Variants in MYO18A observed in about 807,000 individuals in gnomAD.
MYO18A encodes the protein myosin XVIIIA.
MYO18A carries 78 observed loss-of-function variants against 235.8 expected under a neutral mutation model. That is an observed-to-expected ratio of 0.33 (90% CI 0.28 to 0.40). The LOEUF (loss-of-function observed/expected upper bound fraction) is 0.40, where lower values mean the gene tolerates loss of function less well. Ranked by LOEUF, MYO18A falls within the 10% of genes least tolerant of loss-of-function variation. The pLI is 1.00. For synonymous variants in MYO18A, 977 were observed against 1,077.8 expected (o/e 0.91, Z 1.83); for missense variants, 2,215 against 2,699.3 (o/e 0.82, Z 3.98).
intron 37 of MYO18A, among the ~76,000 whole-genome samples, chr17:29,088,990 G>C (rs2152747217): frequency 6.7e-6 from 1 of 149,596 alleles, no homozygotes; most frequent in Non-Finnish European, 1.5e-5. Context: ...AGGCTACAGT[G>C]AGCCATGATT....
chr17:29,090,625 G>A lies in MYO18A; in HGVS notation c.5305-10C>T. The A allele has an allele frequency of 6.3e-7, 1 of 1,595,872 alleles. No homozygotes were observed. Among genetic ancestry groups the A allele is most frequent in the Non-Finnish European group, 8.5e-7 (1 of 1,170,582 alleles). The stretch of plus-strand genomic sequence containing the variant: ...CCAGGTCCCGGGAAGCCTGGGAAAG[G>A]AATGAGAGCATCAGAAGCAGGATCC... On this transcript the variant is annotated splice_polypyrimidine_tract_variant and intron_variant, in intron 35 of 41. Coordinates refer to ENST00000527372, the MANE Select transcript of MYO18A (RefSeq NM_078471.4).
At position 29,074,009 on chromosome 17, in the gene MYO18A, G is replaced by A; in HGVS notation, c.*761C>T. The stretch of plus-strand genomic sequence containing the variant: ...CATAACACGCTGAGACAAAGAGGGT[G>A]GGGTGGGGGCTGGAGGTGCGGATGG... On this transcript the variant is annotated 3_prime_UTR_variant, in exon 42 of 42. Transcript: ENST00000527372. This position sits in a 1 kb window ranked among gnomAD's most constrained non-coding sequence, Gnocchi z 4.4. The A allele has an allele frequency of 3.1e-6, 5 of 1,613,648 alleles. No homozygotes were observed. The highest frequency in any genetic ancestry group is 4.2e-6 in the Non-Finnish European group (5 of 1,179,890).
intron 1 of MYO18A, chr17:29,176,427 TC>T (rs2068529191): frequency 6.6e-6 from 1 of 150,732 alleles, no homozygotes; most frequent in African/African-American, 2.4e-5. Flanking sequence ...AACGTTAGAG[TC>T]CCAAGACAAG....
Position 29,120,684 on chromosome 17 carries a change from T to A in MYO18A, c.1660A>T (p.Thr554Ser), listed in dbSNP as rs1161483285. The A allele has an allele frequency of 6.2e-7, 1 of 1,613,916 alleles. No individual in the cohort carries two copies. The highest frequency in any genetic ancestry group is 8.5e-7 in the Non-Finnish European group (1 of 1,179,858). Residue 554 changes from threonine (T) to serine (S), a missense_variant, in exon 7 of 42, where the codon ACC (threonine) becomes TCC (serine). Transcript: ENST00000527372. This position sits in a 1 kb window ranked among gnomAD's most constrained non-coding sequence, Gnocchi z 4.2. ...NSPTIINGNA[T>S]RFSQILSLDF... ...AGGGAGAGGATCTGGGAGAAGCGGG[T>A]GGCATTGCCATTAATGATGGTGGGG...
Position 29,121,031 on chromosome 17 carries a change from T to C in MYO18A, c.1552A>G (p.Ile518Val). The C allele has an allele frequency of 6.2e-7, 1 of 1,612,872 alleles. No individual in the cohort carries two copies. The highest frequency in any genetic ancestry group is 1.1e-5 in the South Asian group (1 of 90,732). Residue 518 changes from isoleucine to valine, a missense_variant, in exon 6 of 42, where the codon ATC (isoleucine) becomes GTC (valine). Coordinates refer to ENST00000527372, the MANE Select transcript of MYO18A (RefSeq NM_078471.4). The surrounding 1 kb of genome is among the most constrained non-coding windows in gnomAD (Gnocchi z 4.2). ...CQHLVQYLAT[I>V]AGISGNKVFS... The stretch of plus-strand genomic sequence containing the variant: ...ACCTTGTTCCCGCTGATGCCCGCGA[T>C]GGTGGCCAGGTACTGCACCAGATGC...
At position 29,173,778 on chromosome 17, in the gene MYO18A, A is replaced by T. The variant is rs936597854; in HGVS notation, c.-82+6535T>A. Among the ~76,000 whole-genome samples the T allele has an allele frequency of 5.9e-5, 9 of 151,844 alleles. No individual in the cohort carries two copies. In the East Asian group the frequency reaches 7.7e-4, roughly 13 times the overall value. Reference sequence around the variant, plus strand: ...AGTCAGTGGTATCTGTGAAAAAAAAAAATTTTTTTAAGAGACAAGGTCTTG... The same window carrying T: ...AGTCAGTGGTATCTGTGAAAAAAAATAATTTTTTTAAGAGACAAGGTCTTG... On this transcript the variant is annotated intron_variant, in intron 1 of 41. Transcript: ENST00000527372.
chr17:29,133,847 G>A, intron 2 of MYO18A: 1 of 1,289,342 alleles, frequency 7.8e-7, no homozygotes, highest in South Asian at 1.2e-5. Context: ...GGCGCTGAAG[G>A]TAACCTGTGC....
chr17:29,115,054 G>A lies in MYO18A; in HGVS notation c.2364C>T (p.Val788=), dbSNP rs150785866. The A allele has an allele frequency of 1.4e-4, 232 of 1,613,786 alleles. 1 individual carries two copies. In the African/African-American group the frequency reaches 2.4e-3, roughly 17 times the overall value. Residue 788 remains valine (V), a synonymous_variant, in exon 14 of 42, where the codon GTC becomes GTT. Coordinates refer to ENST00000527372, the MANE Select transcript of MYO18A (RefSeq NM_078471.4). ...SQHSLCSMMI[V]DTPGFQNPEQ... ...CAGGGTTCTGGAAGCCCGGGGTGTCGACAATCATCATGGAGCAGAGTGAGT... is the reference window on the plus strand; with the variant it reads ...CAGGGTTCTGGAAGCCCGGGGTGTCAACAATCATCATGGAGCAGAGTGAGT...
intron 37 of MYO18A, among the ~76,000 whole-genome samples, 184 bp from the exon 38 acceptor site, chr17:29,087,305 A>G (rs1049355992): frequency 1.3e-5 from 2 of 152,128 alleles, no homozygotes; most frequent in African/African-American, 4.8e-5. Context: ...GGAGAATAAC[A>G]CCTAACCCCC....
At chr17:29,173,106 T>G (rs2068442470) in intron 1 of MYO18A, among the ~76,000 whole-genome samples, 1 of 151,840 alleles carries the variant, frequency 6.6e-6, no homozygotes, top group Admixed American at 6.6e-5. Context: ...TACTTTTTTT[T>G]TTTTTGAGAC....
rs375096594 is a variant in MYO18A at position 29,115,159 on chromosome 17, CA to C, written c.2319-61del. ...GTTGGCCCCGGGCACCAGGAAGCCC[CA>C]CCCTGCCCAAGCCAGACCTCTATCC... On this transcript the variant is annotated intron_variant, in intron 13 of 41. Coordinates refer to ENST00000527372, the MANE Select transcript of MYO18A (RefSeq NM_078471.4). 4.0e-4 allele frequency: 614 copies of C among 1,536,204 alleles called. 6 individuals carry two copies. The South Asian group carries it at 7.0e-3, about 18-fold the overall frequency.
In MYO18A at chr17:29,106,990, C is replaced by A; in HGVS notation, c.3441+90G>T. 7.8e-7 allele frequency: 1 copy of A among 1,286,218 alleles called. No individual in the cohort carries two copies. The highest frequency in any genetic ancestry group is 1.1e-6 in the Non-Finnish European group (1 of 889,438). The allele number at this position is 1,286,218 out of a possible 1,614,324, so 79.7% of individuals were successfully genotyped here. A position where few individuals can be genotyped will look rare whatever the true frequency, so the allele number is the denominator to read the frequency against. Reference sequence around the variant, plus strand: ...GCCTGAGCAGGGCCAGATGAGCTGTCTCCAGGGAAGGGAAGGCAGATGAGT... The same window carrying A: ...GCCTGAGCAGGGCCAGATGAGCTGTATCCAGGGAAGGGAAGGCAGATGAGT... On this transcript the variant is annotated intron_variant, in intron 20 of 41. Coordinates refer to ENST00000527372, the MANE Select transcript of MYO18A (RefSeq NM_078471.4). The surrounding 1 kb of genome is among the most constrained non-coding windows in gnomAD (Gnocchi z 4.6).
Position 29,073,206 on chromosome 17 carries a change from T to C in MYO18A, c.*1564A>G, listed in dbSNP as rs368056376. 218 of 152,292 alleles carry C rather than the reference T, an allele frequency of 1.4e-3. 9 individuals carry two copies. The South Asian group carries it at 0.042, about 29-fold the overall frequency. 9.4% of individuals were successfully genotyped at this position (152,292 alleles called of 1,614,324 possible). On this transcript the variant is annotated 3_prime_UTR_variant, in exon 42 of 42. Coordinates refer to ENST00000527372, the MANE Select transcript of MYO18A (RefSeq NM_078471.4). ...AATCAGAGGGACCTCAACATTCCCTTGTGGAGGCTAGGGAGGATGAGGCTT... is the reference window on the plus strand; with the variant it reads ...AATCAGAGGGACCTCAACATTCCCTCGTGGAGGCTAGGGAGGATGAGGCTT...
intron 37 of MYO18A, 80 bp from the exon 38 acceptor site, chr17:29,087,201 G>T: frequency 6.9e-7 from 1 of 1,446,268 alleles, no homozygotes. Context: ...AGAGCTCTGG[G>T]TGAGGAGGCC....
intron 1 of MYO18A, among the ~76,000 whole-genome samples, chr17:29,170,692 T>C (rs112087059): frequency 1.2e-3 from 179 of 152,356 alleles, no homozygotes; most frequent in African/African-American, 3.9e-3. Context: ...AGTTAGGGTA[T>C]GGACCCGAAT....
chr17:29,087,025 G>A lies in MYO18A; in HGVS notation c.5623C>T (p.Arg1875Trp), dbSNP rs769302948. ...AENREKEQNK[R>W]LQRQLRDTKE... is the part of the protein sequence containing the mutation. ...GTGTCCCGGAGCTGCCTCTGTAGCC[G>A]CTTGTTCTGTTCCTTCTCCCGGTTC... Residue 1875 changes from arginine to tryptophan, a missense_variant, in exon 38 of 42, where the codon CGG becomes TGG. Physicochemically the swap from Arg to Trp is moderately radical, Grantham distance 101. Transcript: ENST00000527372. The A allele has an allele frequency of 1.7e-5, 27 of 1,613,880 alleles. No homozygotes were observed. Among genetic ancestry groups the A allele is most frequent in the East Asian group, 6.7e-5 (3 of 44,884 alleles).
chr17:29,101,101 T>C (rs1366329687), intron 21 of MYO18A, among the ~76,000 whole-genome samples: 2 of 151,712 alleles, frequency 1.3e-5, no homozygotes, highest in Non-Finnish European at 2.9e-5. Context: ...AGGCTTAAGC[T>C]ATCGTCCCAC....
intron 2 of MYO18A, among the ~76,000 whole-genome samples, chr17:29,164,867 TG>T (rs150412174): frequency 0.018 from 2,767 of 152,340 alleles, 86 homozygotes; most frequent in African/African-American, 0.063. Flanking sequence ...CGCGGGCAGC[TG>T]GGGTCTCAGT....
At position 29,116,590 on chromosome 17, in the gene MYO18A, C is replaced by G. The variant is rs921537035; in HGVS notation, c.2039-135G>C. On this transcript the variant is annotated intron_variant, in intron 10 of 41. Coordinates refer to ENST00000527372, the MANE Select transcript of MYO18A (RefSeq NM_078471.4). ...AGGATGAGTAGGCAAGAAAACACAA[C>G]CACAGTCAGACTTGGGACAAACGCA... 20 of 824,444 alleles carry G rather than the reference C, an allele frequency of 2.4e-5. 1 individual carries two copies. The African/African-American group carries it at 3.5e-4, about 14-fold the overall frequency. The allele number at this position is 824,444 out of a possible 1,614,324, so 51.1% of individuals were successfully genotyped here.
Sources: gnomAD v4.1 joint callset for allele counts (sites outside exome capture counted in the v4.1 genomes callset) on GRCh38, gnomAD v4.1.1 for gene constraint, Gnocchi (gnomAD v3.1) non-coding constraint, MANE v1.5 for transcripts, NCBI Gene and HGNC (gene_info 2026-07-23, HGNC 2026-07-21) for gene names.